Variants in HPSE2 observed in about 807,000 individuals in gnomAD.
The protein encoded by HPSE2 is inactive heparanase-2.
A neutral mutation model predicts 60.5 loss-of-function variants in HPSE2; 38 were observed. The observed-to-expected ratio is 0.63, with a 90% CI of 0.48 to 0.82. HPSE2 has a LOEUF of 0.82. HPSE2 is among the 40% of genes least tolerant of loss of function. The pLI is 0.00. For synonymous variants in HPSE2, 295 were observed against 293.2 expected (o/e 1.01, Z -0.06); for missense variants, 713 against 740.4 (o/e 0.96, Z 0.43).
intron 3 of HPSE2, among the ~76,000 whole-genome samples, chr10:98,793,896 A>G (rs1950713707): frequency 6.6e-6 from 1 of 152,202 alleles, no homozygotes; most frequent in South Asian, 2.1e-4. Context: ...GTTGAATACT[A>G]ATAAAAGGAA....
the HPSE2 span, among the ~76,000 whole-genome samples, chr10:99,273,735 G>A: frequency 3.3e-5 from 5 of 152,304 alleles, no homozygotes; most frequent in Middle Eastern, 3.4e-3. Flanking sequence ...ATGGATGATG[G>A]ATGGAAAGAT....
intron 6 of HPSE2, among the ~76,000 whole-genome samples, chr10:98,655,162 G>A (rs940732902): frequency 2.0e-5 from 3 of 152,042 alleles, no homozygotes; most frequent in Admixed American, 6.5e-5. Context: ...ATGTAAGACG[G>A]AAAGGCTAGA....
intron 3 of HPSE2, among the ~76,000 whole-genome samples, chr10:99,005,258 T>C (rs1396904181): frequency 1.7e-5 from 1 of 60,558 alleles, no homozygotes; most frequent in Non-Finnish European, 4.2e-5. Context: ...ACCCCATTTG[T>C]CTTTCTCTTC....
intron 3 of HPSE2, among the ~76,000 whole-genome samples, chr10:98,796,480 T>C (rs1357241773): frequency 1.2e-4 from 18 of 152,288 alleles, no homozygotes; most frequent in Non-Finnish European, 5.9e-5. Flanking sequence ...CTTTGTATTG[T>C]GGTGTGAGTG....
chr10:98,719,224 A>C (rs558993584), intron 5 of HPSE2, among the ~76,000 whole-genome samples: 2 of 152,166 alleles, frequency 1.3e-5, no homozygotes, highest in Non-Finnish European at 2.9e-5. Context: ...ACAAGCATTT[A>C]TAACACACTT....
chr10:99,162,372 A>G (rs1307775047), intron 2 of HPSE2, among the ~76,000 whole-genome samples: 3 of 152,196 alleles, frequency 2.0e-5, no homozygotes, highest in Non-Finnish European at 2.9e-5. Context: ...GAGATTGCAT[A>G]TTAAAACTTG....
chr10:98,642,773 T>C (rs564280131), intron 6 of HPSE2, among the ~76,000 whole-genome samples: 1 of 152,350 alleles, frequency 6.6e-6, no homozygotes, highest in South Asian at 2.1e-4. Flanking sequence ...GACCTTCCCT[T>C]ACCCCCATCT....
intron 10 of HPSE2, among the ~76,000 whole-genome samples, chr10:98,489,257 C>G (rs767344457): frequency 3.3e-5 from 5 of 152,184 alleles, no homozygotes; most frequent in Non-Finnish European, 5.9e-5. Context: ...TTGCTTTAGG[C>G]ACCCCCCACC....
At chr10:99,118,804 G>A (rs1844818401) in intron 3 of HPSE2, among the ~76,000 whole-genome samples, 1 of 151,972 alleles carries the variant, frequency 6.6e-6, no homozygotes, top group African/African-American at 2.4e-5. Flanking sequence ...ACCACTTGAG[G>A]TCAGGAGTTC....
Position 98,609,904 on chromosome 10 carries a change from C to T in HPSE2, c.1320+5000G>A, listed in dbSNP as rs531140850. The stretch of plus-strand genomic sequence containing the variant: ...TCGCCCAGGCTGGAGTGCAGTGGCA[C>T]GATCTCAGCTCACTGCAACCTCCAC... On this transcript the variant is annotated intron_variant, in intron 9 of 11. Coordinates refer to ENST00000370552, the MANE Select transcript of HPSE2 (RefSeq NM_021828.5). Among the ~76,000 whole-genome samples the T allele has an allele frequency of 2.0e-3, 293 of 148,406 alleles. 1 individual carries two copies. The highest frequency in any genetic ancestry group is 6.5e-3 in the African/African-American group (258 of 39,994).
intron 3 of HPSE2, among the ~76,000 whole-genome samples, chr10:99,127,948 T>TCAC (rs1200440680): frequency 3.9e-5 from 6 of 152,178 alleles, no homozygotes; most frequent in African/African-American, 1.4e-4. Context: ...CTGAGAGAAT[T>TCAC]CACCACTACC....
intron 3 of HPSE2, among the ~76,000 whole-genome samples, chr10:98,774,562 C>T (rs1950302213): frequency 6.6e-6 from 1 of 152,122 alleles, no homozygotes; most frequent in Admixed American, 6.5e-5. Flanking sequence ...TTCATCCCAA[C>T]CCCCTTCCCC....
the HPSE2 span, among the ~76,000 whole-genome samples, chr10:99,308,398 G>GAAAAAAAAAAAAAAAAAAAAAAAAAA: frequency 4.1e-3 from 231 of 56,388 alleles, no homozygotes; most frequent in Middle Eastern, 0.018. Flanking sequence ...AAAAAAAAAG[G>GAAAAAAAAAAAAAAAAAAAAAAAAAA]AAACCATCAA....
At chr10:98,467,651 C>T (rs1940597136) in intron 11 of HPSE2, among the ~76,000 whole-genome samples, 1 of 152,172 alleles carries the variant, frequency 6.6e-6, no homozygotes, top group Admixed American at 6.5e-5. Context: ...GGTGCCAGGA[C>T]AGTCTGACTT....
chr10:98,799,727 A>G (rs558691230), intron 3 of HPSE2, among the ~76,000 whole-genome samples: 59 of 152,026 alleles, frequency 3.9e-4, no homozygotes, highest in South Asian at 3.7e-3. Context: ...AAATTTCTTG[A>G]AAAAAAAGAT....
chr10:99,118,140 AAC>A (rs1467498188), intron 3 of HPSE2, among the ~76,000 whole-genome samples: 1 of 152,158 alleles, frequency 6.6e-6, no homozygotes, highest in Admixed American at 6.5e-5. Flanking sequence ...GACAAAAAAA[AAC>A]ACTATTATCT....
rs559412076 is a variant in HPSE2 at position 98,821,650 on chromosome 10, C to A, written c.611-77594G>T. 4.5e-4 allele frequency among the ~76,000 whole-genome samples: 69 copies of A among 152,266 alleles called. No homozygotes were observed. The South Asian group carries it at 0.013, about 28-fold the overall frequency. ...AACGTTTACACCAACAGCCGTTACG[C>A]CTTTGGGGTTGTTCGTGATTTTGGT... On this transcript the variant is annotated intron_variant, in intron 3 of 11. Coordinates refer to ENST00000370552, the MANE Select transcript of HPSE2 (RefSeq NM_021828.5).
At chr10:98,492,510 C>A (rs76957805) in intron 9 of HPSE2, among the ~76,000 whole-genome samples, 2,849 of 110,792 alleles carry the variant, frequency 0.026, no homozygotes, top group Non-Finnish European at 0.028. Flanking sequence ...TCAAAAAAGA[C>A]AAAAAAAAAA....
intron 3 of HPSE2, among the ~76,000 whole-genome samples, chr10:99,111,906 A>G (rs376675822): frequency 6.6e-6 from 1 of 152,196 alleles, no homozygotes; most frequent in Non-Finnish European, 1.5e-5. Context: ...TTGTTTGTAC[A>G]TATTTCAAAT....
Sources: allele counts gnomAD v4.1 joint callset (sites outside exome capture counted in the v4.1 genomes callset), GRCh38; gene constraint gnomAD v4.1.1; transcripts MANE v1.5; gene names NCBI Gene and HGNC (gene_info 2026-07-23, HGNC 2026-07-21).